Variants in ZNF787 observed in about 807,000 individuals in gnomAD.
The protein encoded by ZNF787 is zinc finger protein 787.
In ZNF787, 7 loss-of-function variants were observed where a neutral mutation model predicts 16.9. That is an observed-to-expected ratio of 0.42 (90% CI 0.24 to 0.78). The LOEUF (loss-of-function observed/expected upper bound fraction) is 0.78. ZNF787 is among the 30% of genes least tolerant of loss of function. The pLI is 0.30. For synonymous variants in ZNF787, 345 were observed against 270.9 expected (o/e 1.27, Z -2.69); for missense variants, 551 against 589.3 (o/e 0.94, Z 0.67).
Position 56,097,690 on chromosome 19 carries a change from C to T in ZNF787, c.79+5449G>A, listed in dbSNP as rs1044943392. On this transcript the variant is annotated intron_variant, in intron 2 of 2. Coordinates refer to ENST00000610935, the MANE Select transcript of ZNF787 (RefSeq NM_001002836.4). ...ATCTGGCTGTGTTCCTGCGTGCAGG[C>T]ACGGCGCGAGGGATCAACTACCCCC... is the stretch of plus-strand genomic sequence containing the variant. Among the ~76,000 whole-genome samples the T allele has an allele frequency of 1.3e-5, 2 of 152,220 alleles. 1 individual carries two copies. Among genetic ancestry groups the T allele is most frequent in the African/African-American group, 4.8e-5 (2 of 41,452 alleles).
chr19:56,096,275 TGG>T (rs1468644338), intron 2 of ZNF787, among the ~76,000 whole-genome samples: 4 of 89,224 alleles, frequency 4.5e-5, no homozygotes, highest in Non-Finnish European at 1.3e-4. Flanking sequence ...AAAAACTAGC[TGG>T]GTGTGGTGGC....
chr19:56,095,324 T>C (rs1985830872), intron 2 of ZNF787, among the ~76,000 whole-genome samples: 1 of 152,214 alleles, frequency 6.6e-6, no homozygotes, highest in Non-Finnish European at 1.5e-5. Flanking sequence ...GACCCTGTAC[T>C]AAATGATCTT....
chr19:56,118,903 A>G (rs1264267998), intron 1 of ZNF787, among the ~76,000 whole-genome samples: 1 of 152,098 alleles, frequency 6.6e-6, no homozygotes, highest in East Asian at 1.9e-4. Context: ...CCCTGCCCAG[A>G]GCCCACTGTC....
chr19:56,115,595 C>G (rs1204669920), intron 1 of ZNF787, among the ~76,000 whole-genome samples: 1 of 151,990 alleles, frequency 6.6e-6, no homozygotes, highest in Non-Finnish European at 1.5e-5. Context: ...TATTCTTTTC[C>G]AGCCACTTCA....
rs1460899613 is a variant in ZNF787, at chr19:56,087,925, G to A, written c.*98C>T. 7 of 1,283,808 alleles carry A rather than the reference G, an allele frequency of 5.5e-6. No individual in the cohort carries two copies. The highest frequency in any genetic ancestry group is 4.8e-5 in the African/African-American group (3 of 62,998). 79.5% of individuals were successfully genotyped at this position (1,283,808 alleles called of 1,614,324 possible). A position where few individuals can be genotyped will look rare whatever the true frequency, so the allele number is the denominator to read the frequency against. On this transcript the variant is annotated 3_prime_UTR_variant, in exon 3 of 3. Transcript: ENST00000610935. ...AGCCGGGGATGCCGCGGGGTCCATC[G>A]CACCCCGTCCGCTTCTCCCTGGGTC...
intron 1 of ZNF787, among the ~76,000 whole-genome samples, chr19:56,107,656 AG>A (rs1279586519): frequency 3.9e-5 from 1 of 25,348 alleles, no homozygotes; most frequent in Admixed American, 4.8e-4. Flanking sequence ...GCACACGGGG[AG>A]GGGGGCCTAG....
intron 1 of ZNF787, among the ~76,000 whole-genome samples, chr19:56,113,480 T>A (rs958794999): frequency 6.6e-6 from 1 of 152,228 alleles, no homozygotes; most frequent in Non-Finnish European, 1.5e-5. Context: ...AATGTCCATA[T>A]GGATGAACTA....
intron 2 of ZNF787, among the ~76,000 whole-genome samples, chr19:56,095,521 G>T (rs1351675084): frequency 1.3e-5 from 2 of 152,182 alleles, no homozygotes; most frequent in East Asian, 3.8e-4. Flanking sequence ...ACTTCTCAGA[G>T]GTTCTCACAC....
In ZNF787 at chr19:56,092,950, C is replaced by T. The variant is rs527409112; in HGVS notation, c.80-3858G>A. On this transcript the variant is annotated intron_variant, in intron 2 of 2. Coordinates refer to ENST00000610935, the MANE Select transcript of ZNF787 (RefSeq NM_001002836.4). ...GGATCCCCATAGACACAGGGCATGA[C>T]GCAACTGGGATACCCCATAGACACG... Among the ~76,000 whole-genome samples, 3 of 141,150 alleles carry T rather than the reference C, an allele frequency of 2.1e-5. No individual in the cohort carries two copies. The East Asian group carries it at 6.5e-4, about 30-fold the overall frequency. 92.6% of individuals were successfully genotyped at this position (141,150 alleles called of 152,430 possible).
In ZNF787 at chr19:56,103,299, G is replaced by C. The variant is rs895923537; in HGVS notation, c.-10-72C>G. 66 of 1,382,512 alleles carry C rather than the reference G, an allele frequency of 4.8e-5. 1 individual carries two copies. Among genetic ancestry groups the C allele is most frequent in the Admixed American group, 7.7e-5 (3 of 38,924 alleles). The allele number at this position is 1,382,512 out of a possible 1,614,324, so 85.6% of individuals were successfully genotyped here. ...GGCTGCACCGAGGGCCCTGCAGGGAGGCAGCCTGCAGACCCCGGCGTGACA... is the reference window on the plus strand; with the variant it reads ...GGCTGCACCGAGGGCCCTGCAGGGACGCAGCCTGCAGACCCCGGCGTGACA... On this transcript the variant is annotated intron_variant, in intron 1 of 2. Transcript: ENST00000610935.
intron 1 of ZNF787, among the ~76,000 whole-genome samples, chr19:56,111,046 TAGAC>T (rs762173041): frequency 5.9e-5 from 9 of 152,260 alleles, no homozygotes; most frequent in South Asian, 2.1e-4. Flanking sequence ...ATGTTTTCAA[TAGAC>T]AGCCATATAC....
At chr19:56,109,645 G>T (rs1360967652) in intron 1 of ZNF787, among the ~76,000 whole-genome samples, 7 of 152,080 alleles carry the variant, frequency 4.6e-5, no homozygotes, top group African/African-American at 1.7e-4. Context: ...TGTAATCCCA[G>T]CACACTGGGA....
chr19:56,104,695 C>G (rs1986235004), intron 1 of ZNF787, among the ~76,000 whole-genome samples: 1 of 152,100 alleles, frequency 6.6e-6, no homozygotes, highest in Admixed American at 6.5e-5. Flanking sequence ...CACACCAACA[C>G]CAACCTGTGC....
intron 2 of ZNF787, among the ~76,000 whole-genome samples, chr19:56,096,871 G>A (rs900842905): frequency 1.3e-5 from 2 of 152,138 alleles, no homozygotes; most frequent in South Asian, 2.1e-4. Context: ...CCTCAGAAGC[G>A]GAATGTCTTT....
At position 56,087,874 on chromosome 19, in the gene ZNF787, C is replaced by T. The variant is rs563726598; in HGVS notation, c.*149G>A. 1.2e-5 allele frequency: 14 copies of T among 1,206,788 alleles called. No individual in the cohort carries two copies. Among genetic ancestry groups the T allele is most frequent in the Middle Eastern group, 6.4e-4 (2 of 3,132 alleles). The allele number at this position is 1,206,788 out of a possible 1,614,324, so 74.8% of individuals were successfully genotyped here. A position where few individuals can be genotyped will look rare whatever the true frequency, so the allele number is the denominator to read the frequency against. ...ATACGCCCCAGTGCCCCCCCACGGA[C>T]GGCGCAGGGACAGAGGAGGGCGGGG... On this transcript the variant is annotated 3_prime_UTR_variant, in exon 3 of 3. Transcript: ENST00000610935.
At position 56,087,776 on chromosome 19, in the gene ZNF787, A is replaced by C; in HGVS notation, c.*247T>G. 2.0e-6 allele frequency: 1 copy of C among 499,778 alleles called. No individual in the cohort carries two copies. Among genetic ancestry groups the C allele is most frequent in the Non-Finnish European group, 2.9e-6 (1 of 340,454 alleles). 31.0% of individuals were successfully genotyped at this position (499,778 alleles called of 1,614,324 possible). On this transcript the variant is annotated 3_prime_UTR_variant, in exon 3 of 3. Transcript: ENST00000610935. ...TCTCTCCATTGTCTCTCCGGCTCGC[A>C]GGCCGATAACTTAGGAAGGGCGGGC...
intron 2 of ZNF787, among the ~76,000 whole-genome samples, chr19:56,092,007 A>AAGCCG (rs1568523531): frequency 1.7e-4 from 22 of 127,192 alleles, no homozygotes; most frequent in African/African-American, 6.2e-4. Flanking sequence ...AACGGAAGCC[A>AAGCCG]AAGCCGAAAC....
In ZNF787 at chr19:56,087,890, G is replaced by C; in HGVS notation, c.*133C>G. On this transcript the variant is annotated 3_prime_UTR_variant, in exon 3 of 3. Coordinates refer to ENST00000610935, the MANE Select transcript of ZNF787 (RefSeq NM_001002836.4). ...CCCCACGGACGGCGCAGGGACAGAG[G>C]AGGGCGGGGAGCCGGGGATGCCGCG... is the stretch of plus-strand genomic sequence containing the variant. 7.9e-7 allele frequency: 1 copy of C among 1,263,990 alleles called. No homozygotes were observed. The highest frequency in any genetic ancestry group is 1.0e-6 in the Non-Finnish European group (1 of 1,001,610). 78.3% of individuals were successfully genotyped at this position (1,263,990 alleles called of 1,614,324 possible).
At chr19:56,113,830 ATTAT>A (rs779599068) in intron 1 of ZNF787, among the ~76,000 whole-genome samples, 2 of 152,064 alleles carry the variant, frequency 1.3e-5, no homozygotes, top group African/African-American at 2.4e-5. Flanking sequence ...TGAACTGTAT[ATTAT>A]TTATTTATTT....
Sources: gnomAD v4.1 joint callset for allele counts (sites outside exome capture counted in the v4.1 genomes callset) on GRCh38, gnomAD v4.1.1 for gene constraint, MANE v1.5 for transcripts, NCBI Gene and HGNC (gene_info 2026-07-23, HGNC 2026-07-21) for gene names.